PDE1A: variants seen among roughly 807,000 people sequenced by gnomAD.
The protein encoded by PDE1A is dual specificity calcium/calmodulin-dependent 3',5'-cyclic nucleotide phosphodiesterase 1A.
Under a neutral mutation model 61.7 loss-of-function variants are expected in PDE1A, and 35 were observed. The ratio of observed to expected loss-of-function variants is 0.57; its 90% confidence interval spans 0.43 to 0.75. The LOEUF (loss-of-function observed/expected upper bound fraction) is 0.75. Ranked by LOEUF, PDE1A falls within the 30% of genes least tolerant of loss-of-function variation. PDE1A has a pLI of 0.00. For synonymous variants in PDE1A, 232 were observed against 213.2 expected (o/e 1.09, Z -0.77); for missense variants, 597 against 630.6 (o/e 0.95, Z 0.57).
chr2:182,256,038 C>CTTTTTTTTTTTTTTTTTTTTTGTTTTTT (rs755211798), intron 2 of PDE1A, among the ~76,000 whole-genome samples: 1 of 92,336 alleles, frequency 1.1e-5, no homozygotes, highest in African/African-American at 4.1e-5. Flanking sequence ...AGGATGACTT[C>CTTTTTTTTTTTTTTTTTTTTTGTTTTTT]TTTTTTTTTT....
chr2:182,548,739 G>A, the PDE1A span, among the ~76,000 whole-genome samples: 2 of 152,108 alleles, frequency 1.3e-5, 1 homozygote, highest in South Asian at 4.1e-4. Flanking sequence ...TGCAACACTA[G>A]TATATTTTCC....
chr2:182,463,663 C>T (rs771144685), intron 2 of PDE1A: 16 of 152,116 alleles, frequency 1.1e-4, no homozygotes, highest in South Asian at 2.1e-4. Context: ...TATGGCTCTA[C>T]GAGAGGAAGA....
At chr2:182,427,835 T>G (rs931991866), upstream of PDE1A, among the ~76,000 whole-genome samples, 1 of 152,146 alleles carries the variant, frequency 6.6e-6, no homozygotes, top group Non-Finnish European at 1.5e-5. Context: ...GGTCAGAGAT[T>G]TGTAATAAAC....
At chr2:182,205,999 A>G in exon 8 of PDE1A, 1 of 1,612,196 alleles carries the variant, frequency 6.2e-7, no homozygotes, top group Non-Finnish European at 8.5e-7. Context: ...GCATAAGTCG[A>G]TAAGCTGCAC....
intron 1 of PDE1A, among the ~76,000 whole-genome samples, chr2:182,290,025 GA>G (rs141617277): frequency 0.23 from 34,503 of 151,606 alleles, 4,148 homozygotes; most frequent in East Asian, 0.42. Context: ...AATTTTGCTA[GA>G]AAAAAATGCA....
chr2:182,407,677 G>A (rs968843101), intron 1 of PDE1A, among the ~76,000 whole-genome samples: 6 of 152,044 alleles, frequency 3.9e-5, no homozygotes, highest in Admixed American at 6.6e-5. Flanking sequence ...CACCGTGCCC[G>A]GCCAACATAC....
the PDE1A span, among the ~76,000 whole-genome samples, chr2:182,558,595 T>A: frequency 6.6e-6 from 1 of 152,198 alleles, no homozygotes; most frequent in African/African-American, 2.4e-5. Flanking sequence ...TTTCAACAAA[T>A]ATATAGTCAA....
intron 2 of PDE1A, among the ~76,000 whole-genome samples, chr2:182,480,328 T>C (rs1481813358): frequency 2.0e-5 from 3 of 151,880 alleles, no homozygotes; most frequent in African/African-American, 7.2e-5. Context: ...AAACCTACAG[T>C]TGGAAGCAAT....
chr2:182,431,583 T>C (rs764397443), upstream of PDE1A, among the ~76,000 whole-genome samples: 1 of 152,148 alleles, frequency 6.6e-6, no homozygotes, highest in African/African-American at 2.4e-5. Flanking sequence ...AAATCTGATT[T>C]ATCCTTCCAA....
chr2:182,251,825 TC>T (rs1454334944), intron 2 of PDE1A, among the ~76,000 whole-genome samples: 7 of 152,196 alleles, frequency 4.6e-5, no homozygotes, highest in African/African-American at 1.7e-4. Context: ...AATTAATGAA[TC>T]TTTTATAATG....
At chr2:182,659,127 A>G in the PDE1A span, among the ~76,000 whole-genome samples, 1 of 152,148 alleles carries the variant, frequency 6.6e-6, no homozygotes, top group African/African-American at 2.4e-5. Context: ...TCTATTTGTA[A>G]GTTCCATCTA....
the PDE1A span, among the ~76,000 whole-genome samples, chr2:182,703,485 G>A: frequency 5.9e-5 from 9 of 152,130 alleles, no homozygotes; most frequent in Non-Finnish European, 7.4e-5. Context: ...CCCAGCTCCC[G>A]GGTTGGGTAA....
the PDE1A span, among the ~76,000 whole-genome samples, chr2:182,578,693 G>A: frequency 6.6e-6 from 1 of 152,154 alleles, no homozygotes; most frequent in East Asian, 1.9e-4. Context: ...ACATGAACCT[G>A]AAAGAATGGT....
chr2:182,341,264 A>T (rs1698165559), intron 1 of PDE1A, among the ~76,000 whole-genome samples: 1 of 152,194 alleles, frequency 6.6e-6, no homozygotes, highest in Non-Finnish European at 1.5e-5. Flanking sequence ...CAAGACCAAG[A>T]AGTAGCCAAT....
At chr2:182,449,510 A>C (rs926403676) in intron 2 of PDE1A, among the ~76,000 whole-genome samples, 2 of 152,030 alleles carry the variant, frequency 1.3e-5, no homozygotes, top group African/African-American at 2.4e-5. Context: ...TCACCAAAGG[A>C]GGGTGTTTGT....
intron 2 of PDE1A, among the ~76,000 whole-genome samples, chr2:182,511,187 GGAAA>G (rs923924570): frequency 1.3e-5 from 2 of 151,890 alleles, no homozygotes; most frequent in Non-Finnish European, 2.9e-5. Context: ...CAATCAAGAG[GGAAA>G]GAGTCAAGAT....
chr2:182,359,436 A>G (rs144286721), intron 1 of PDE1A, among the ~76,000 whole-genome samples: 1 of 152,268 alleles, frequency 6.6e-6, no homozygotes, highest in Non-Finnish European at 1.5e-5. Flanking sequence ...GAGAGGACAA[A>G]TTTACAAGCT....
chr2:182,257,032 G>C (rs1344992070), intron 2 of PDE1A, among the ~76,000 whole-genome samples: 1 of 152,182 alleles, frequency 6.6e-6, no homozygotes, highest in African/African-American at 2.4e-5. Flanking sequence ...CTCATCCAGT[G>C]GTTCACCCTG....
chr2:182,415,580 C>A (rs1702866607), intron 1 of PDE1A, among the ~76,000 whole-genome samples: 1 of 152,116 alleles, frequency 6.6e-6, no homozygotes, highest in South Asian at 2.1e-4. Context: ...CAACAAATCT[C>A]TTCTGTTTAG....
Sources: allele counts gnomAD v4.1 joint callset (sites outside exome capture counted in the v4.1 genomes callset), GRCh38; gene constraint gnomAD v4.1.1; transcripts MANE v1.5; gene names NCBI Gene and HGNC (gene_info 2026-07-23, HGNC 2026-07-21).